Variants in PARM1 observed in about 807,000 individuals in gnomAD.
PARM1 encodes WSC4, cell wall integrity and stress response component 4 homolog.
Under a neutral mutation model 24.6 loss-of-function variants are expected in PARM1, and 14 were observed. The observed-to-expected ratio is 0.57, with a 90% CI of 0.38 to 0.89. The LOEUF is 0.89. Ranked by LOEUF, PARM1 falls within the 40% of genes least tolerant of loss-of-function variation. The probability of loss-of-function intolerance (pLI) is 0.00; values close to 1 mark genes in which losing one functional copy is unlikely to be tolerated. For synonymous variants in PARM1, 179 were observed against 156.6 expected (o/e 1.14, Z -1.07); for missense variants, 362 against 380.4 (o/e 0.95, Z 0.40).
At chr4:75,032,068 C>T (rs906807361) in intron 2 of PARM1, among the ~76,000 whole-genome samples, 2 of 152,086 alleles carry the variant, frequency 1.3e-5, no homozygotes, top group African/African-American at 4.8e-5. Context: ...GCATTCAGTG[C>T]CATAATTCTG....
chr4:75,016,565 T>G (rs2109797683), intron 2 of PARM1, among the ~76,000 whole-genome samples: 1 of 152,208 alleles, frequency 6.6e-6, no homozygotes, highest in East Asian at 1.9e-4. Flanking sequence ...CCATTCTGCC[T>G]CCCTGCTCTT....
intron 1 of PARM1, among the ~76,000 whole-genome samples, chr4:74,978,456 A>G (rs1722179749): frequency 6.6e-6 from 1 of 152,254 alleles, no homozygotes; most frequent in Non-Finnish European, 1.5e-5. Flanking sequence ...ACCCGGATTT[A>G]TAAAACAAGT....
At chr4:75,034,906 G>C (rs1337397746) in intron 3 of PARM1, 2 of 152,380 alleles carry the variant, frequency 1.3e-5, no homozygotes, top group African/African-American at 2.4e-5. Context: ...ACTCCTCAGC[G>C]TGGCCCTCAG....
At chr4:74,982,781 G>GAT (rs1722282976) in intron 1 of PARM1, among the ~76,000 whole-genome samples, 1 of 152,208 alleles carries the variant, frequency 6.6e-6, no homozygotes, top group Non-Finnish European at 1.5e-5. Context: ...TCTCCCTAGT[G>GAT]ATATGCTTGA....
intron 2 of PARM1, among the ~76,000 whole-genome samples, chr4:75,033,297 A>T (rs1043868298): frequency 6.6e-6 from 1 of 152,214 alleles, no homozygotes; most frequent in Non-Finnish European, 1.5e-5. Flanking sequence ...TTTCCCACAG[A>T]GGAATGTTTT....
At chr4:74,948,182 C>T (rs185973774) in intron 1 of PARM1, among the ~76,000 whole-genome samples, 1 of 152,276 alleles carries the variant, frequency 6.6e-6, no homozygotes, top group African/African-American at 2.4e-5. Context: ...GAGGTCATGT[C>T]TTAGCTTCAT....
At chr4:74,943,872 TAA>T (rs1337829289) in intron 1 of PARM1, among the ~76,000 whole-genome samples, 1 of 152,260 alleles carries the variant, frequency 6.6e-6, no homozygotes. Flanking sequence ...GGTAAAGTTA[TAA>T]GTTAGTCACT....
chr4:75,040,834 G>A (rs1362497297), intron 3 of PARM1, among the ~76,000 whole-genome samples: 1 of 151,678 alleles, frequency 6.6e-6, no homozygotes, highest in Non-Finnish European at 1.5e-5. Flanking sequence ...TTTGCCTCAG[G>A]GCCTCTGTAC....
At chr4:75,037,609 T>A (rs1474986487) in intron 3 of PARM1, among the ~76,000 whole-genome samples, 1 of 152,194 alleles carries the variant, frequency 6.6e-6, no homozygotes. Flanking sequence ...CACTTTTGGA[T>A]GTGACTTATA....
chr4:75,044,266 G>A (rs1428027857), intron 3 of PARM1, among the ~76,000 whole-genome samples: 1 of 152,140 alleles, frequency 6.6e-6, no homozygotes, highest in Non-Finnish European at 1.5e-5. Flanking sequence ...ATTTCCAGTA[G>A]CAAGGTATAA....
intron 1 of PARM1, among the ~76,000 whole-genome samples, chr4:74,962,579 A>G (rs1003193626): frequency 6.6e-6 from 1 of 152,234 alleles, no homozygotes; most frequent in Non-Finnish European, 1.5e-5. Context: ...ATCTAAAGAC[A>G]CAAATAGGTT....
intron 1 of PARM1, among the ~76,000 whole-genome samples, chr4:74,982,018 A>G (rs1722267490): frequency 1.3e-5 from 2 of 152,154 alleles, no homozygotes; most frequent in African/African-American, 4.8e-5. Flanking sequence ...AGCACTACTC[A>G]CAATAGCAAA....
chr4:74,989,084 G>A (rs907607930), intron 1 of PARM1, among the ~76,000 whole-genome samples: 4 of 152,088 alleles, frequency 2.6e-5, no homozygotes, highest in East Asian at 1.9e-4. Flanking sequence ...TCTCTTTTAC[G>A]TCTTAATACA....
At chr4:74,954,898 G>T (rs1323956372) in intron 1 of PARM1, among the ~76,000 whole-genome samples, 1 of 152,118 alleles carries the variant, frequency 6.6e-6, no homozygotes, top group Non-Finnish European at 1.5e-5. Flanking sequence ...CAGAACCTAG[G>T]CAATTAGCTG....
rs577893439 is a variant in PARM1, at chr4:74,933,239, G to A, written c.-89G>A. 1,211 of 1,180,236 alleles carry A rather than the reference G, an allele frequency of 1.0e-3. 9 individuals carry two copies. The African/African-American group carries it at 0.016, about 15-fold the overall frequency. The allele number at this position is 1,180,236 out of a possible 1,614,324, so 73.1% of individuals were successfully genotyped here. A position where few individuals can be genotyped will look rare whatever the true frequency, so the allele number is the denominator to read the frequency against. ...GGCTCCCACCGCAGCCCACCCGGCA[G>A]AGGAGTCGCTACCAGCGCCCAGTGC... On this transcript the variant is annotated 5_prime_UTR_variant, in exon 1 of 4. Coordinates refer to ENST00000307428, the MANE Select transcript of PARM1 (RefSeq NM_015393.4).
Position 75,046,853 on chromosome 4 carries a change from G to A in PARM1, c.*606G>A, listed in dbSNP as rs1723613408. On this transcript the variant is annotated 3_prime_UTR_variant, in exon 4 of 4. Coordinates refer to ENST00000307428, the MANE Select transcript of PARM1 (RefSeq NM_015393.4). ...TGAAAATAGGAAGTGCCCTGGAGGG[G>A]GCCAGCAGGTCACGGGGCAGAATCT... 1 of 152,586 alleles carries A rather than the reference G, an allele frequency of 6.6e-6. No individual in the cohort carries two copies. The highest frequency in any genetic ancestry group is 2.4e-5 in the African/African-American group (1 of 41,446). The allele number at this position is 152,586 out of a possible 1,614,324, so 9.5% of individuals were successfully genotyped here. A position where few individuals can be genotyped will look rare whatever the true frequency, so the allele number is the denominator to read the frequency against.
intron 1 of PARM1, among the ~76,000 whole-genome samples, chr4:74,985,419 G>C (rs778915846): frequency 3.9e-5 from 6 of 152,200 alleles, no homozygotes; most frequent in Non-Finnish European, 8.8e-5. Flanking sequence ...GGGGCCCATG[G>C]AAGACTGCCT....
intron 1 of PARM1, among the ~76,000 whole-genome samples, chr4:74,985,303 A>G (rs1161692218): frequency 1.3e-5 from 2 of 152,194 alleles, no homozygotes; most frequent in Admixed American, 6.5e-5. Flanking sequence ...CTGTGTCACC[A>G]TGACCTACTT....
chr4:74,995,822 G>A (rs371946486), intron 1 of PARM1, among the ~76,000 whole-genome samples: 11 of 152,158 alleles, frequency 7.2e-5, no homozygotes, highest in South Asian at 2.1e-4. Context: ...TCACCAGAGC[G>A]ATCTTCCAAA....
Sources: allele counts gnomAD v4.1 joint callset (sites outside exome capture counted in the v4.1 genomes callset), GRCh38; gene constraint gnomAD v4.1.1; transcripts MANE v1.5; gene names NCBI Gene and HGNC (gene_info 2026-07-23, HGNC 2026-07-21).